Variants in HPS5 observed in about 807,000 individuals in gnomAD.
The protein encoded by HPS5 is BLOC-2 complex member HPS5.
A neutral mutation model predicts 128.0 loss-of-function variants in HPS5; 83 were observed. That is an observed-to-expected ratio of 0.65 (90% CI 0.54 to 0.78). The LOEUF (loss-of-function observed/expected upper bound fraction) is 0.78, where lower values mean the gene tolerates loss of function less well. HPS5 is among the 30% of genes least tolerant of loss of function. The probability of loss-of-function intolerance (pLI) is 0.00; values close to 1 mark genes in which losing one functional copy is unlikely to be tolerated. For missense variants in HPS5, 1,281 were observed against 1,326.2 expected (o/e 0.97, Z 0.53); for synonymous variants, 475 against 470.2 (o/e 1.01, Z -0.13).
intron 5 of HPS5, among the ~76,000 whole-genome samples, chr11:18,309,868 G>T (rs1862771334): frequency 6.6e-6 from 1 of 152,100 alleles, no homozygotes; most frequent in South Asian, 2.1e-4. Flanking sequence ...CAGGCGTGGT[G>T]ATGCATGCCA....
At chr11:18,303,593 C>G (rs544327432) in intron 8 of HPS5, among the ~76,000 whole-genome samples, 18 of 152,292 alleles carry the variant, frequency 1.2e-4, no homozygotes, top group Admixed American at 1.2e-3. Context: ...TACTAGAAAA[C>G]ATATTCTTGG....
At position 18,302,006 on chromosome 11, in the gene HPS5, T is replaced by A. The variant is rs139797830; in HGVS notation, c.897-1090A>T. On this transcript the variant is annotated intron_variant, in intron 8 of 22. Transcript: ENST00000349215. The stretch of plus-strand genomic sequence containing the variant: ...TGGAATCCTAACTATTCCACTTAAC[T>A]GAATTCTCAAAAAGTCACAGATTCC... Among the ~76,000 whole-genome samples the A allele has an allele frequency of 7.2e-5, 11 of 152,186 alleles. No homozygotes were observed. The East Asian group carries it at 2.1e-3, about 29-fold the overall frequency.
intron 18 of HPS5, 200 bp from the exon 19 acceptor site, chr11:18,286,910 G>GAAAA: frequency 2.0e-6 from 1 of 496,562 alleles, no homozygotes. Flanking sequence ...GGCCAAAAAA[G>GAAAA]AAAAAAAAAA....
rs1236371776 is a variant in HPS5 at position 18,281,255 on chromosome 11, A to ATTTTTTT, written c.3329+688_3329+694dup. Among the ~76,000 whole-genome samples the ATTTTTTT allele has an allele frequency of 2.0e-5, 2 of 99,956 alleles. 1 individual carries two copies. 65.6% of individuals were successfully genotyped at this position (99,956 alleles called of 152,430 possible). ...CACCATGTCCAGTTAATTTTTTTGC[A>ATTTTTTT]TTTTTTTTTTTTTTTTTTAGTAGAG... On this transcript the variant is annotated intron_variant, in intron 22 of 22. Coordinates refer to ENST00000349215, the MANE Select transcript of HPS5 (RefSeq NM_181507.2).
chr11:18,286,940 G>C, intron 18 of HPS5: 1,664 of 553,412 alleles, frequency 3.0e-3, no homozygotes, highest in East Asian at 4.8e-3. Flanking sequence ...AAGAGAGAGA[G>C]AAAGAAAGAG....
intron 16 of HPS5, among the ~76,000 whole-genome samples, chr11:18,289,306 C>T (rs1271875697): frequency 6.6e-6 from 1 of 152,178 alleles, no homozygotes; most frequent in Admixed American, 6.5e-5. Flanking sequence ...CTGATGACTG[C>T]GCGGGAGCTA....
intron 4 of HPS5, 24 bp downstream of exon 4, chr11:18,311,363 G>T: frequency 6.7e-7 from 1 of 1,494,770 alleles, no homozygotes; most frequent in Non-Finnish European, 9.3e-7. Context: ...AAAAAGGACA[G>T]ATAGTTTTGG....
Position 18,297,674 on chromosome 11 carries a change from G to A in HPS5, c.1208C>T (p.Ser403Phe). 1.2e-6 allele frequency: 2 copies of A among 1,614,060 alleles called. No homozygotes were observed. The highest frequency in any genetic ancestry group is 1.7e-6 in the Non-Finnish European group (2 of 1,179,916). ...ATTGTAGGTGCCATGGTCCAGCTGA[G>A]ATTTCAAATGCTCCAATTTATCTGC... ...LTADKLEHLK[S>F]QLDHGTYNDL... The change falls in exon 11 of 23, where the codon TCT (serine) becomes TTT (phenylalanine). Residue 403 changes from serine (S) to phenylalanine (F), a missense_variant. By Grantham distance (155) the Ser-to-Phe change is radical (BLOSUM62 -2). Coordinates refer to ENST00000349215, the MANE Select transcript of HPS5 (RefSeq NM_181507.2).
intron 3 of HPS5, 60 bp from the exon 4 acceptor site, chr11:18,311,511 A>ATTATTATTT (rs1554944989): frequency 3.2e-5 from 17 of 531,976 alleles, no homozygotes; most frequent in South Asian, 6.7e-5. Flanking sequence ...TATTATTATT[A>ATTATTATTT]TTTTTTTTTT....
intron 4 of HPS5, 52 bp downstream of exon 4, chr11:18,311,335 C>T: frequency 7.8e-7 from 1 of 1,277,262 alleles, no homozygotes; most frequent in South Asian, 1.2e-5. Flanking sequence ...ACACATGTGT[C>T]AATTTAAAAT....
rs530275520 is a variant in HPS5, at chr11:18,305,411, T to C, written c.896+11A>G. On this transcript the variant is annotated intron_variant, in intron 8 of 22. Coordinates refer to ENST00000349215, the MANE Select transcript of HPS5 (RefSeq NM_181507.2). ...TTTTCCCCCCCAGAACTAAGGAAAG[T>C]AGAAACTTACCTAAGATGTAAGAGT... The C allele has an allele frequency of 1.9e-6, 3 of 1,563,062 alleles. No individual in the cohort carries two copies. The highest frequency in any genetic ancestry group is 1.7e-5 in the Admixed American group (1 of 59,934).
rs561003533 is a variant in HPS5 at position 18,291,374 on chromosome 11, C to G, written c.2440+68G>C. 12 of 1,013,636 alleles carry G rather than the reference C, an allele frequency of 1.2e-5. No homozygotes were observed. In the South Asian group the frequency reaches 1.7e-4, roughly 14 times the overall value. The allele number at this position is 1,013,636 out of a possible 1,614,324, so 62.8% of individuals were successfully genotyped here. On this transcript the variant is annotated intron_variant, in intron 16 of 22. Coordinates refer to ENST00000349215, the MANE Select transcript of HPS5 (RefSeq NM_181507.2). ...CTACTTAAATCTTTTTTTTAAACCCCAAAATTCAAAACTGCTAATGTTTTT... is the reference window on the plus strand; with the variant it reads ...CTACTTAAATCTTTTTTTTAAACCCGAAAATTCAAAACTGCTAATGTTTTT...
intron 20 of HPS5, among the ~76,000 whole-genome samples, chr11:18,284,499 A>G (rs976843679): frequency 6.6e-6 from 1 of 152,164 alleles, no homozygotes; most frequent in Non-Finnish European, 1.5e-5. Context: ...CTTCTCATAT[A>G]TGACATCAGA....
rs375162837 is a variant in HPS5, at chr11:18,286,708, G to A, written c.2720C>T (p.Ser907Leu). 2 of 1,613,826 alleles carry A rather than the reference G, an allele frequency of 1.2e-6. No homozygotes were observed. Among genetic ancestry groups the A allele is most frequent in the Admixed American group, 1.7e-5 (1 of 59,982 alleles). ...TTGCAGAAGGGACTCAAGAAAAGATGACCTAAGAGAAAGTTGGGGAAAAAA... is the reference window on the plus strand; with the variant it reads ...TTGCAGAAGGGACTCAAGAAAAGATAACCTAAGAGAAAGTTGGGGAAAAAA... ...LVKSRPEDQR[S>L]SFLESLLQPE... The change falls in exon 19 of 23, where the codon TCA becomes TTA. Residue 907 changes from serine (S) to leucine (L), a missense_variant and splice_region_variant. By Grantham distance (145) the Ser-to-Leu change is moderately radical (BLOSUM62 -2). Transcript: ENST00000349215.
At chr11:18,289,032 G>A (rs994928872) in intron 16 of HPS5, among the ~76,000 whole-genome samples, 7 of 151,856 alleles carry the variant, frequency 4.6e-5, no homozygotes, top group Non-Finnish European at 8.8e-5. Flanking sequence ...TTGCTACGTT[G>A]CCTAAGCTGG....
chr11:18,294,876 A>T (rs1382395061), intron 14 of HPS5, 144 bp downstream of exon 14: 6 of 781,392 alleles, frequency 7.7e-6, no homozygotes, highest in South Asian at 1.6e-5. Context: ...GAAACTTTAC[A>T]AATTTGTGTT....
chr11:18,310,650 C>G, intron 5 of HPS5, 91 bp downstream of exon 5: 2 of 1,067,992 alleles, frequency 1.9e-6, no homozygotes, highest in Non-Finnish European at 1.4e-6. Flanking sequence ...CCAAGAAATA[C>G]AGTAGATAAA....
chr11:18,285,249 C>T, intron 20 of HPS5, 97 bp downstream of exon 20: 2 of 683,450 alleles, frequency 2.9e-6, no homozygotes, highest in Non-Finnish European at 5.1e-6. Context: ...AGAGAATCCC[C>T]AAATATTAAT....
Position 18,283,886 on chromosome 11 carries a change from A to T in HPS5, c.2967T>A (p.Tyr989Ter). The part of the protein sequence containing the change: ...ICRSCGFWPG[Y>*]LILCLELERR... ...TCTCCAGCTCCAAACAGAGAATTAGATATCCAGGCCAGAAACTTTAAAGAG... is the reference window on the plus strand; with the variant it reads ...TCTCCAGCTCCAAACAGAGAATTAGTTATCCAGGCCAGAAACTTTAAAGAG... Residue 989 changes from tyrosine (Y) to a stop codon, truncating the protein, a stop_gained, in exon 21 of 23, where the codon TAT becomes TAA. Coordinates refer to ENST00000349215, the MANE Select transcript of HPS5 (RefSeq NM_181507.2). LOFTEE classifies it high-confidence loss of function. The T allele has an allele frequency of 6.2e-7, 1 of 1,612,768 alleles. No individual in the cohort carries two copies. Among genetic ancestry groups the T allele is most frequent in the Non-Finnish European group, 8.5e-7 (1 of 1,179,184 alleles).
Sources: allele counts gnomAD v4.1 joint callset (sites outside exome capture counted in the v4.1 genomes callset), GRCh38; gene constraint gnomAD v4.1.1; transcripts MANE v1.5; gene names NCBI Gene and HGNC (gene_info 2026-07-23, HGNC 2026-07-21).